Variants in SLC25A26 observed in about 807,000 individuals in gnomAD.
SLC25A26 encodes the protein solute carrier family 25 member 26.
SLC25A26 carries 36 observed loss-of-function variants against 37.8 expected under a neutral mutation model. The ratio of observed to expected loss-of-function variants is 0.95; its 90% CI spans 0.73 to 1.26. The LOEUF is 1.26. Among genes scored for constraint, SLC25A26 ranks in the 50% most tolerant of loss-of-function variants. SLC25A26 has a pLI of 0.00. For missense variants in SLC25A26, 390 were observed against 331.1 expected, an observed-to-expected ratio of 1.18 and a Z score of -1.38; for synonymous variants, 129 against 122.5, an observed-to-expected ratio of 1.05 and a Z score of -0.35.
chr3:66,221,089 G>C lies in SLC25A26; in HGVS notation c.-6G>C. 2 of 1,534,876 alleles carry C rather than the reference G, an allele frequency of 1.3e-6. No individual in the cohort carries two copies. Among genetic ancestry groups the C allele is most frequent in the Non-Finnish European group, 1.7e-6 (2 of 1,145,694 alleles). ...GGATTGTAGCCTTGACGAGGTCTGA[G>C]CGACCATGGACCGGCCGGGGTTCGT... is the stretch of plus-strand genomic sequence containing the variant. On this transcript the variant is annotated 5_prime_UTR_variant, in exon 1 of 10. Coordinates refer to ENST00000354883, the MANE Select transcript of SLC25A26 (RefSeq NM_001379210.1).
intron 5 of SLC25A26, among the ~76,000 whole-genome samples, chr3:66,266,030 A>G (rs1236280143): frequency 6.6e-6 from 1 of 152,216 alleles, no homozygotes; most frequent in African/African-American, 2.4e-5. Flanking sequence ...ATTTGTTTTG[A>G]CATATGTCCT....
intron 5 of SLC25A26, among the ~76,000 whole-genome samples, chr3:66,268,235 T>A (rs2073831524): frequency 6.6e-6 from 1 of 152,196 alleles, no homozygotes; most frequent in Non-Finnish European, 1.5e-5. Context: ...CCTGTGTTAT[T>A]TTATACATGG....
At chr3:66,329,145 T>C (rs1011335508) in intron 5 of SLC25A26, among the ~76,000 whole-genome samples, 5 of 152,202 alleles carry the variant, frequency 3.3e-5, no homozygotes, top group Non-Finnish European at 7.3e-5. Flanking sequence ...CATTGGAATT[T>C]CATATTAAGT....
At chr3:66,238,675 A>G (rs949747192) in intron 2 of SLC25A26, among the ~76,000 whole-genome samples, 1 of 152,174 alleles carries the variant, frequency 6.6e-6, no homozygotes, top group Non-Finnish European at 1.5e-5. Context: ...AATGTTTTAT[A>G]TACTGTATTC....
chr3:66,315,336 G>C lies in SLC25A26; in HGVS notation c.454-31028G>C, dbSNP rs978949506. On this transcript the variant is annotated intron_variant, in intron 5 of 9. Coordinates refer to ENST00000354883, the MANE Select transcript of SLC25A26 (RefSeq NM_001379210.1). The stretch of plus-strand genomic sequence containing the variant: ...GATACGTTGTTTCTTTGTTCTTACT[G>C]ATTTCAAATAACTTCTTGATTTCTG... 7.2e-5 allele frequency among the ~76,000 whole-genome samples: 11 copies of C among 152,144 alleles called. No individual in the cohort carries two copies. The East Asian group carries it at 2.1e-3, about 29-fold the overall frequency.
chr3:66,189,042 A>G (rs1439105928), intron 1 of SLC25A26, among the ~76,000 whole-genome samples: 3 of 152,024 alleles, frequency 2.0e-5, no homozygotes, highest in Non-Finnish European at 4.4e-5. Context: ...CTAGATACAC[A>G]CATCATTTCT....
intron 3 of SLC25A26, among the ~76,000 whole-genome samples, chr3:66,261,158 T>C (rs1007822046): frequency 2.6e-5 from 4 of 152,250 alleles, no homozygotes; most frequent in Non-Finnish European, 5.9e-5. Context: ...CAAGGTTACA[T>C]ATGTGAAATC....
At chr3:66,364,041 C>T (rs778457886) in intron 7 of SLC25A26, among the ~76,000 whole-genome samples, 6 of 152,074 alleles carry the variant, frequency 3.9e-5, no homozygotes, top group Admixed American at 2.6e-4. Flanking sequence ...TAGACACTCT[C>T]CTGGGCCCTG....
intron 3 of SLC25A26, among the ~76,000 whole-genome samples, chr3:66,256,484 T>G (rs2107236252): frequency 1.3e-5 from 2 of 152,296 alleles, no homozygotes. Flanking sequence ...AAATGTGAAT[T>G]GTAGAGAATT....
In SLC25A26 at chr3:66,202,912, C is replaced by G. The variant is rs894309807; in HGVS notation, c.-353-17830C>G. On this transcript the variant is annotated intron_variant, in intron 1 of 10. Coordinates refer to the SLC25A26 transcript ENST00000676754. Reference sequence around the variant, plus strand: ...GCTTGACACATTATTTTGCTTTGTTCAAGACCAAATTTAAAACGTAAAATT... The same window carrying G: ...GCTTGACACATTATTTTGCTTTGTTGAAGACCAAATTTAAAACGTAAAATT... 7.0e-3 allele frequency among the ~76,000 whole-genome samples: 1,073 copies of G among 152,244 alleles called. 12 individuals are homozygous for G. Among genetic ancestry groups the G allele is most frequent in the African/African-American group, 0.023 (971 of 41,540 alleles).
intron 3 of SLC25A26, among the ~76,000 whole-genome samples, chr3:66,255,048 C>A (rs2073247008): frequency 6.6e-6 from 1 of 152,224 alleles, no homozygotes; most frequent in African/African-American, 2.4e-5. Context: ...ATCCATCTCT[C>A]TTTTCCTCCA....
At chr3:66,271,717 G>C (rs1466232679) in intron 5 of SLC25A26, among the ~76,000 whole-genome samples, 1 of 151,986 alleles carries the variant, frequency 6.6e-6, no homozygotes, top group Non-Finnish European at 1.5e-5. Flanking sequence ...AACCCTTCCA[G>C]CTAAAGTTTC....
intron 5 of SLC25A26, among the ~76,000 whole-genome samples, chr3:66,300,250 TG>T (rs2075034136): frequency 4.2e-5 from 6 of 142,844 alleles, no homozygotes; most frequent in African/African-American, 1.7e-4. Context: ...AGGGTTTTTT[TG>T]TTTTGTTTTT....
At chr3:66,247,419 C>T (rs931806555) in intron 3 of SLC25A26, among the ~76,000 whole-genome samples, 1 of 152,108 alleles carries the variant, frequency 6.6e-6, no homozygotes, top group Non-Finnish European at 1.5e-5. Context: ...GTGATCCTCT[C>T]ACTTTAGCCT....
At chr3:66,314,514 G>T (rs752421922) in intron 5 of SLC25A26, among the ~76,000 whole-genome samples, 17 of 152,030 alleles carry the variant, frequency 1.1e-4, no homozygotes, top group Non-Finnish European at 2.1e-4. Flanking sequence ...TGTATTCGGC[G>T]TGCCTGTATT....
intron 3 of SLC25A26, among the ~76,000 whole-genome samples, chr3:66,250,981 C>T (rs1362560848): frequency 6.6e-6 from 1 of 152,058 alleles, no homozygotes; most frequent in Non-Finnish European, 1.5e-5. Context: ...CAGCTAAAAT[C>T]TGATTTAGCA....
chr3:66,247,511 AT>A (rs1414469428), intron 3 of SLC25A26, among the ~76,000 whole-genome samples: 12 of 152,096 alleles, frequency 7.9e-5, no homozygotes, highest in African/African-American at 1.9e-4. Context: ...GGGTCTTACT[AT>A]GTTGCCCAGG....
chr3:66,220,525 G>T (rs36162483), upstream of SLC25A26, among the ~76,000 whole-genome samples: 1 of 151,750 alleles, frequency 6.6e-6, no homozygotes, highest in African/African-American at 2.4e-5. Flanking sequence ...TTTTAACTCC[G>T]GTCAGGAAAC....
intron 9 of SLC25A26, among the ~76,000 whole-genome samples, chr3:66,376,200 C>G (rs1432739246): frequency 7.9e-5 from 12 of 151,862 alleles, no homozygotes; most frequent in African/African-American, 2.9e-4. Context: ...TGAGATGAAT[C>G]TACTCCTGGT....
Sources: gnomAD v4.1 joint callset for allele counts (sites outside exome capture counted in the v4.1 genomes callset) on GRCh38, gnomAD v4.1.1 for gene constraint, MANE v1.5 for transcripts, NCBI Gene and HGNC (gene_info 2026-07-23, HGNC 2026-07-21) for gene names.